Variants in MORN1 observed in about 807,000 individuals in gnomAD.
The protein encoded by MORN1 is MORN repeat containing 1.
In MORN1, 67 loss-of-function variants were observed where a neutral mutation model predicts 61.9. The ratio of observed to expected loss-of-function variants is 1.08; its 90% CI spans 0.89 to 1.33. The LOEUF (loss-of-function observed/expected upper bound fraction) is 1.33. MORN1 is among the 40% of genes most tolerant of loss of function. The pLI is 0.00. For synonymous variants in MORN1, 301 were observed against 292.0 expected, an observed-to-expected ratio of 1.03 and a Z score of -0.31; for missense variants, 752 against 691.2, an observed-to-expected ratio of 1.09 and a Z score of -0.99.
At chr1:2,322,308 A>G (rs1640899396) in intron 13 of MORN1, 1 of 985,262 alleles carries the variant, frequency 1.0e-6, no homozygotes, top group Non-Finnish European at 1.2e-6. Flanking sequence ...GGAGCGTGGA[A>G]AAAGCGCCTC....
At chr1:2,384,052 G>A (rs1222392895) in intron 6 of MORN1, among the ~76,000 whole-genome samples, 1 of 152,174 alleles carries the variant, frequency 6.6e-6, no homozygotes, top group East Asian at 1.9e-4. Flanking sequence ...GTCCTTGTTG[G>A]TGACTCTTTC....
chr1:2,388,468 T>C lies in MORN1; in HGVS notation c.149-131A>G, dbSNP rs1421710392. On this transcript the variant is annotated intron_variant, in intron 2 of 13. Coordinates refer to ENST00000378531, the MANE Select transcript of MORN1 (RefSeq NM_024848.3). Reference sequence around the variant, plus strand: ...AACTTGTGTTTGGCTCCATCACTCATGCTATACATGTATTTAAAAATAAAA... The same window carrying C: ...AACTTGTGTTTGGCTCCATCACTCACGCTATACATGTATTTAAAAATAAAA... The C allele has an allele frequency of 7.5e-6, 5 of 665,160 alleles. No homozygotes were observed. The African/African-American group carries it at 9.1e-5, about 12-fold the overall frequency. The allele number at this position is 665,160 out of a possible 1,614,324, so 41.2% of individuals were successfully genotyped here. A position where few individuals can be genotyped will look rare whatever the true frequency, so the allele number is the denominator to read the frequency against.
chr1:2,323,631 G>A (rs1275164596), intron 13 of MORN1: 17 of 985,108 alleles, frequency 1.7e-5, no homozygotes, highest in Non-Finnish European at 1.9e-5. Flanking sequence ...GGCCCTCGCT[G>A]CACCCCTCCT....
rs556462194 is a variant in MORN1 at position 2,385,549 on chromosome 1, CGGG to C, written c.449+255_449+257del. The C allele has an allele frequency of 8.8e-3, 852 of 97,270 alleles. 2 individuals are homozygous for C. The highest frequency in any genetic ancestry group is 0.048 in the South Asian group (388 of 8,112). The allele number at this position is 97,270 out of a possible 1,614,324, so 6.0% of individuals were successfully genotyped here. A position where few individuals can be genotyped will look rare whatever the true frequency, so the allele number is the denominator to read the frequency against. On this transcript the variant is annotated intron_variant, in intron 5 of 13. Transcript: ENST00000378531. ...TGACGTTCTCAGGAGGTATTTTAAT[CGGG>C]GGGGGGGGGGATGTTTTATCTAAAC... is the stretch of plus-strand genomic sequence containing the variant.
At chr1:2,324,263 GGCCT>G in intron 12 of MORN1, 120 bp from the exon 13 acceptor site, 1 of 1,062,074 alleles carries the variant, frequency 9.4e-7, no homozygotes, top group Non-Finnish European at 1.4e-6. Flanking sequence ...GCACAGCAGA[GGCCT>G]GCGAACCCCA....
chr1:2,353,480 C>T (rs1278828108), intron 10 of MORN1, among the ~76,000 whole-genome samples: 2 of 152,242 alleles, frequency 1.3e-5, no homozygotes, highest in Non-Finnish European at 2.9e-5. Flanking sequence ...TGCCTCCGAC[C>T]TCGGGGTGAT....
intron 10 of MORN1, among the ~76,000 whole-genome samples, chr1:2,349,601 GCT>G (rs533023144): frequency 7.0e-4 from 106 of 152,220 alleles, no homozygotes; most frequent in African/African-American, 2.5e-3. Context: ...TAAAAATATG[GCT>G]CTTTCATGCT....
chr1:2,338,704 A>G (rs1234941823), intron 10 of MORN1, among the ~76,000 whole-genome samples: 2 of 152,196 alleles, frequency 1.3e-5, no homozygotes, highest in African/African-American at 4.8e-5. Context: ...TGGCGTGCAA[A>G]TAAACATATA....
intron 8 of MORN1, chr1:2,363,626 G>A (rs1347962445): frequency 2.0e-5 from 3 of 151,786 alleles, no homozygotes; most frequent in African/African-American, 7.3e-5. Flanking sequence ...TTAACCAGGC[G>A]TGGTGGTGTG....
intron 10 of MORN1, among the ~76,000 whole-genome samples, chr1:2,347,915 T>C (rs1412966511): frequency 6.6e-6 from 1 of 152,222 alleles, no homozygotes; most frequent in Non-Finnish European, 1.5e-5. Flanking sequence ...CGCTGCTGAA[T>C]TTGCTCCTCA....
chr1:2,341,692 GAAAAAA>G lies in MORN1; in HGVS notation c.1037-4848_1037-4843del, dbSNP rs68071614. On this transcript the variant is annotated intron_variant, in intron 10 of 13. Coordinates refer to ENST00000378531, the MANE Select transcript of MORN1 (RefSeq NM_024848.3). ...GCCACAGAGCGAGACTCCGTCTCAA[GAAAAAA>G]AAAAAAAAAAAAGAAAAAGAAAAGG... 3.5e-3 allele frequency among the ~76,000 whole-genome samples: 468 copies of G among 133,826 alleles called. 4 individuals are homozygous for G. The highest frequency in any genetic ancestry group is 0.012 in the African/African-American group (441 of 36,924). The allele number at this position is 133,826 out of a possible 152,430, so 87.8% of individuals were successfully genotyped here.
intron 13 of MORN1, chr1:2,323,136 G>T: frequency 3.0e-6 from 3 of 985,438 alleles, no homozygotes; most frequent in Non-Finnish European, 3.6e-6. Flanking sequence ...TCCTGGGATG[G>T]CTGGGACGCG....
At chr1:2,347,483 G>A (rs938156310) in intron 10 of MORN1, among the ~76,000 whole-genome samples, 2 of 152,146 alleles carry the variant, frequency 1.3e-5, no homozygotes, top group Admixed American at 6.5e-5. Flanking sequence ...GGAGGATCCC[G>A]AGTGGCTGAG....
At chr1:2,386,099 C>T (rs1269133303) in intron 4 of MORN1, 5 of 579,498 alleles carry the variant, frequency 8.6e-6, no homozygotes, top group Non-Finnish European at 1.2e-5. Context: ...AGGCTCTGAA[C>T]GGGAAGGGCA....
At chr1:2,360,450 A>G (rs1641869900) in intron 8 of MORN1, among the ~76,000 whole-genome samples, 1 of 152,176 alleles carries the variant, frequency 6.6e-6, no homozygotes. Context: ...GGACTCTATA[A>G]TTGCCCTGGC....
chr1:2,380,029 T>C (rs955005318), intron 6 of MORN1, among the ~76,000 whole-genome samples: 6 of 151,756 alleles, frequency 4.0e-5, no homozygotes, highest in Non-Finnish European at 8.8e-5. Flanking sequence ...CACGGGGTGG[T>C]GGTGGTGGGG....
intron 8 of MORN1, among the ~76,000 whole-genome samples, chr1:2,369,355 G>GAAAAAAAAAAAAAA (rs55703845): frequency 1.2e-5 from 1 of 80,654 alleles, no homozygotes; most frequent in African/African-American, 6.1e-5. Flanking sequence ...CTCAGTCTCA[G>GAAAAAAAAAAAAAA]AAAAAAAAAA....
intron 13 of MORN1, chr1:2,323,726 G>A (rs1569899155): frequency 1.0e-6 from 1 of 985,342 alleles, no homozygotes; most frequent in Non-Finnish European, 1.2e-6. Flanking sequence ...CCTTGCTGGG[G>A]AGCAGCTCCT....
chr1:2,365,744 T>TATC (rs1279023519), intron 8 of MORN1, among the ~76,000 whole-genome samples: 3 of 152,218 alleles, frequency 2.0e-5, no homozygotes, highest in African/African-American at 7.2e-5. Context: ...CATCACTGGC[T>TATC]ATCAGAGAAA....
Sources: allele counts gnomAD v4.1 joint callset (sites outside exome capture counted in the v4.1 genomes callset), GRCh38; gene constraint gnomAD v4.1.1; transcripts MANE v1.5; gene names NCBI Gene and HGNC (gene_info 2026-07-23, HGNC 2026-07-21).